DNAH17: variants seen among roughly 807,000 people sequenced by gnomAD.
The protein encoded by DNAH17 is axonemal beta dynein heavy chain 17.
A neutral mutation model predicts 485.6 loss-of-function variants in DNAH17; 376 were observed. The ratio of observed to expected loss-of-function variants is 0.77; its 90% CI spans 0.71 to 0.84. The LOEUF (loss-of-function observed/expected upper bound fraction) is 0.84, where lower values mean the gene tolerates loss of function less well. DNAH17 is among the 40% of genes least tolerant of loss of function. The pLI is 0.00. For synonymous variants in DNAH17, 3,031 were observed against 2,405.9 expected, an observed-to-expected ratio of 1.26 and a Z score of -7.60; for missense variants, 6,370 against 5,839.3, an observed-to-expected ratio of 1.09 and a Z score of -2.96.
At chr17:78,539,622 T>C in intron 18 of DNAH17, 115 bp downstream of exon 18, 1 of 980,128 alleles carries the variant, frequency 1.0e-6, no homozygotes, top group South Asian at 2.2e-5. Context: ...ATAAGATATA[T>C]TTTAATAAGT....
In DNAH17 at chr17:78,500,101, G is replaced by A. The variant is rs2028733; in HGVS notation, c.5640+204C>T. Reference sequence around the variant, plus strand: ...GCTGGGGCAGGACATTTGGGGCTGCGTCTGTCCACCCTGGAAGTCTTTCCA... The same window carrying A: ...GCTGGGGCAGGACATTTGGGGCTGCATCTGTCCACCCTGGAAGTCTTTCCA... On this transcript the variant is annotated intron_variant, in intron 36 of 80. Transcript: ENST00000389840. The A allele has an allele frequency of 0.13, 75,336 of 563,358 alleles. 5,615 individuals are homozygous for A. The highest frequency in any genetic ancestry group is 0.16 in the Middle Eastern group (325 of 2,080). 34.9% of individuals were successfully genotyped at this position (563,358 alleles called of 1,614,324 possible).
chr17:78,472,893 T>C, intron 54 of DNAH17: 1 of 339,614 alleles, frequency 2.9e-6, no homozygotes, highest in South Asian at 2.1e-5. Flanking sequence ...CCTAGAACAC[T>C]ACCACATCCT....
intron 48 of DNAH17, 79 bp from the exon 49 acceptor site, chr17:78,480,865 T>C: frequency 1.1e-6 from 1 of 946,398 alleles, no homozygotes; most frequent in Non-Finnish European, 1.7e-6. Flanking sequence ...CTCCCAAGAA[T>C]GCCCTCCTTA....
In DNAH17 at chr17:78,485,662, C is replaced by T. The variant is rs368302362; in HGVS notation, c.7371G>A (p.Ala2457=). Residue 2457 remains alanine, a synonymous_variant, in exon 47 of 81, where the codon GCG becomes GCA. Coordinates refer to ENST00000389840, the MANE Select transcript of DNAH17 (RefSeq NM_173628.4). ...KSWPVMLVGN[A]GTGKSVLMGD... Reference sequence around the variant, plus strand: ...CCATCAGCACCGACTTGCCCGTCCCCGCGTTCCCCACCAGCATCACCGGCC... The same window carrying T: ...CCATCAGCACCGACTTGCCCGTCCCTGCGTTCCCCACCAGCATCACCGGCC... The T allele has an allele frequency of 3.9e-5, 63 of 1,613,874 alleles. No homozygotes were observed. The highest frequency in any genetic ancestry group is 5.0e-5 in the Non-Finnish European group (59 of 1,179,898).
chr17:78,467,733 T>A (rs2088544526), intron 55 of DNAH17, among the ~76,000 whole-genome samples: 1 of 152,076 alleles, frequency 6.6e-6, no homozygotes, highest in Non-Finnish European at 1.5e-5. Context: ...CTGCTTACCC[T>A]AGAGGTGATG....
At chr17:78,466,923 T>G (rs1043364896) in intron 55 of DNAH17, 107 bp from the exon 56 acceptor site, 5 of 1,277,260 alleles carry the variant, frequency 3.9e-6, no homozygotes, top group Non-Finnish European at 4.2e-6. Flanking sequence ...CCTGCCGGGC[T>G]CAGCCGCCCA....
chr17:78,427,130 G>A, intron 77 of DNAH17, 22 bp from the exon 78 acceptor site: 6 of 1,558,274 alleles, frequency 3.9e-6, no homozygotes, highest in Non-Finnish European at 4.3e-6. Context: ...TCCCCGGACA[G>A]CCCCTGTCAC....
At chr17:78,486,192 G>T in intron 45 of DNAH17, 32 bp downstream of exon 45, 1 of 1,591,256 alleles carries the variant, frequency 6.3e-7, no homozygotes, top group Non-Finnish European at 8.6e-7. Flanking sequence ...GAGAGACCCT[G>T]TGTGGGTGGC....
intron 18 of DNAH17, 70 bp from the exon 19 acceptor site, chr17:78,537,551 T>G: frequency 6.5e-7 from 1 of 1,529,330 alleles, no homozygotes; most frequent in Non-Finnish European, 8.9e-7. Flanking sequence ...AGTGCCCTGA[T>G]CATCCACTCC....
chr17:78,514,744 G>A, intron 26 of DNAH17, 30 bp downstream of exon 26: 6 of 1,606,830 alleles, frequency 3.7e-6, no homozygotes, highest in Non-Finnish European at 5.1e-6. Context: ...GCCAGGGGCG[G>A]TCCCCTCCGC....
chr17:78,512,864 C>T (rs1568180650), intron 26 of DNAH17, among the ~76,000 whole-genome samples: 2 of 147,636 alleles, frequency 1.4e-5, no homozygotes, highest in Non-Finnish European at 3.0e-5. Flanking sequence ...TCACTTGAAC[C>T]TGGGAGGTGG....
At chr17:78,535,468 C>T (rs1803285578) in intron 19 of DNAH17, among the ~76,000 whole-genome samples, 1 of 152,200 alleles carries the variant, frequency 6.6e-6, no homozygotes, top group Non-Finnish European at 1.5e-5. Flanking sequence ...CACCTCTGTA[C>T]AAGCATGCCT....
chr17:78,551,737 G>T, intron 15 of DNAH17, 99 bp from the exon 16 acceptor site: 2 of 1,149,128 alleles, frequency 1.7e-6, no homozygotes, highest in Non-Finnish European at 2.6e-6. Flanking sequence ...GTCAGGGCAG[G>T]CGAATCACGA....
rs1275913657 is a variant in DNAH17 at position 78,502,573 on chromosome 17, T to G, written c.5190+18A>C. On this transcript the variant is annotated intron_variant, in intron 33 of 80. Coordinates refer to ENST00000389840, the MANE Select transcript of DNAH17 (RefSeq NM_173628.4). ...AACAAGTTTTAAAAACGTAACTAAC[T>G]ACACACTAGTAACACACCTGCTTTT... is the stretch of plus-strand genomic sequence containing the variant. 1.2e-6 allele frequency: 2 copies of G among 1,605,942 alleles called. No individual in the cohort carries two copies. Among genetic ancestry groups the G allele is most frequent in the African/African-American group, 2.7e-5 (2 of 74,626 alleles).
At chr17:78,518,847 A>C (rs1191969104) in intron 25 of DNAH17, among the ~76,000 whole-genome samples, 1 of 152,186 alleles carries the variant, frequency 6.6e-6, no homozygotes, top group African/African-American at 2.4e-5. Flanking sequence ...AATAGAAAGG[A>C]AACAGGAAAA....
At chr17:78,480,485 G>T (rs932706562) in intron 49 of DNAH17, among the ~76,000 whole-genome samples, 199 bp downstream of exon 49, 1 of 152,150 alleles carries the variant, frequency 6.6e-6, no homozygotes, top group African/African-American at 2.4e-5. Flanking sequence ...CCAGTTGACC[G>T]GGTCACAGGG....
intron 79 of DNAH17, among the ~76,000 whole-genome samples, chr17:78,426,141 A>G (rs1226556322): frequency 6.6e-6 from 1 of 152,220 alleles, no homozygotes. Flanking sequence ...TGGATAATTT[A>G]GGAGCCCAAA....
chr17:78,558,083 G>C (rs1368888669), intron 14 of DNAH17, 25 bp downstream of exon 14: 1 of 1,598,942 alleles, frequency 6.3e-7, no homozygotes, highest in Non-Finnish European at 8.5e-7. Flanking sequence ...GCTGCATCAG[G>C]AATAGTACCG....
intron 44 of DNAH17, among the ~76,000 whole-genome samples, chr17:78,490,267 C>G (rs1474401834): frequency 6.6e-6 from 1 of 152,236 alleles, no homozygotes; most frequent in Non-Finnish European, 1.5e-5. Flanking sequence ...CCAGGAGAAC[C>G]CGACCACTGC....
Sources: allele counts gnomAD v4.1 joint callset (sites outside exome capture counted in the v4.1 genomes callset), GRCh38; gene constraint gnomAD v4.1.1; transcripts MANE v1.5; gene names NCBI Gene and HGNC (gene_info 2026-07-23, HGNC 2026-07-21).